The following MTA3 variants were observed in gnomAD, a reference collection of about 807,000 sequenced individuals.
MTA3 encodes the protein metastasis associated 1 family member 3.
In MTA3, 34 loss-of-function variants were observed where a neutral mutation model predicts 83.5. The observed-to-expected ratio is 0.41, with a 90% CI of 0.31 to 0.54. The LOEUF (loss-of-function observed/expected upper bound fraction) is 0.54, where lower values mean the gene tolerates loss of function less well. Among genes scored for constraint, MTA3 ranks in the 20% least tolerant of loss-of-function variants. The probability of loss-of-function intolerance (pLI) is 0.33; values close to 1 mark genes in which losing one functional copy is unlikely to be tolerated. For synonymous variants in MTA3, 303 were observed against 252.7 expected, an observed-to-expected ratio of 1.20 and a Z score of -1.89; for missense variants, 761 against 726.4, an observed-to-expected ratio of 1.05 and a Z score of -0.55.
chr2:42,505,391 C>G (rs563841723), intron 2 of MTA3, among the ~76,000 whole-genome samples: 8 of 151,034 alleles, frequency 5.3e-5, no homozygotes, highest in African/African-American at 1.7e-4. Context: ...GACTTCATCT[C>G]AAAAACAAAA....
chr2:42,567,476 C>T (rs551204152), upstream of MTA3, among the ~76,000 whole-genome samples: 116 of 152,210 alleles, frequency 7.6e-4, 2 homozygotes, highest in South Asian at 0.023. Flanking sequence ...AACCCAGAGT[C>T]GACAGCACAC....
intron 2 of MTA3, among the ~76,000 whole-genome samples, chr2:42,495,808 T>C (rs1259725597): frequency 6.6e-6 from 1 of 152,098 alleles, no homozygotes; most frequent in East Asian, 1.9e-4. Flanking sequence ...AAGGAGAAGG[T>C]CATTTCGCAA....
chr2:42,675,970 A>G (rs1691316126), intron 8 of MTA3, among the ~76,000 whole-genome samples: 1 of 152,220 alleles, frequency 6.6e-6, no homozygotes, highest in Admixed American at 6.5e-5. Flanking sequence ...TTTCAAAGGA[A>G]TTATTTCCTA....
At chr2:42,717,789 T>C (rs1380380366) in intron 14 of MTA3, among the ~76,000 whole-genome samples, 1 of 152,202 alleles carries the variant, frequency 6.6e-6, no homozygotes, top group Non-Finnish European at 1.5e-5. Flanking sequence ...TTTGCCAAGA[T>C]AGGTTAAGCC....
intron 14 of MTA3, among the ~76,000 whole-genome samples, 163 bp from the exon 15 acceptor site, chr2:42,718,825 A>G (rs1481076167): frequency 1.3e-5 from 2 of 152,218 alleles, no homozygotes; most frequent in East Asian, 1.9e-4. Flanking sequence ...GAAATTGGGA[A>G]CCAGAACTAG....
At chr2:42,512,136 CT>C (rs1204506266) in intron 2 of MTA3, among the ~76,000 whole-genome samples, 23 of 146,412 alleles carry the variant, frequency 1.6e-4, no homozygotes, top group Middle Eastern at 3.5e-3. Flanking sequence ...TTTCTTTTTC[CT>C]TTTTTTTTTG....
chr2:42,667,854 C>G (rs1295746707), intron 8 of MTA3, among the ~76,000 whole-genome samples: 1 of 152,134 alleles, frequency 6.6e-6, no homozygotes, highest in Non-Finnish European at 1.5e-5. Flanking sequence ...CATTATGTTA[C>G]TTTATCAGTG....
At chr2:42,652,512 A>G (rs190458524) in intron 6 of MTA3, among the ~76,000 whole-genome samples, 8 of 152,152 alleles carry the variant, frequency 5.3e-5, no homozygotes, top group African/African-American at 1.7e-4. Flanking sequence ...TCACTTCTTG[A>G]TTTTTATTTT....
intron 3 of MTA3, among the ~76,000 whole-genome samples, chr2:42,607,833 C>A (rs1056403640): frequency 6.6e-6 from 1 of 152,162 alleles, no homozygotes; most frequent in Non-Finnish European, 1.5e-5. Context: ...CGCCTGTAAT[C>A]CCAGCTACTC....
chr2:42,711,991 ATTAG>A (rs757693575), intron 14 of MTA3, among the ~76,000 whole-genome samples: 1 of 152,102 alleles, frequency 6.6e-6, no homozygotes, highest in Non-Finnish European at 1.5e-5. Context: ...AGAATAATTT[ATTAG>A]TTCTTCCCTG....
chr2:42,581,425 A>G (rs1453871829), intron 3 of MTA3, among the ~76,000 whole-genome samples: 1 of 139,670 alleles, frequency 7.2e-6, no homozygotes, highest in Non-Finnish European at 1.5e-5. Flanking sequence ...GCTGGAGTGC[A>G]GTGGCAGGAT....
intron 2 of MTA3, among the ~76,000 whole-genome samples, chr2:42,578,535 T>G (rs6544564): frequency 1 from 152,326 of 152,326 alleles, 76,163 homozygotes; most frequent in Non-Finnish European, 1. Flanking sequence ...ACTTCCTTGG[T>G]GTAGAGAATG....
intron 9 of MTA3, among the ~76,000 whole-genome samples, chr2:42,689,287 T>C (rs1416708102): frequency 6.6e-6 from 1 of 152,220 alleles, no homozygotes; most frequent in Non-Finnish European, 1.5e-5. Flanking sequence ...CTTTTTAAAT[T>C]GATAAACTAA....
chr2:42,696,947 A>G (rs1183569326), intron 10 of MTA3, among the ~76,000 whole-genome samples: 2 of 152,192 alleles, frequency 1.3e-5, no homozygotes, highest in Admixed American at 6.5e-5. Flanking sequence ...AAAGATGGAG[A>G]TGATGGTATC....
chr2:42,606,987 C>T (rs1050959387), intron 3 of MTA3, among the ~76,000 whole-genome samples: 3 of 148,964 alleles, frequency 2.0e-5, no homozygotes, highest in Non-Finnish European at 3.0e-5. Context: ...GAGAATCAGG[C>T]AGGGAGGTTG....
chr2:42,752,092 G>A (rs1669916397), intron 16 of MTA3: 4 of 437,476 alleles, frequency 9.1e-6, no homozygotes, highest in Non-Finnish European at 1.9e-5. Flanking sequence ...GTTAAATAAG[G>A]TAGTTACATA....
Position 42,697,886 on chromosome 2 carries a change from T to C in MTA3, c.1025+52T>C, listed in dbSNP as rs367581229. 7.9e-6 allele frequency: 10 copies of C among 1,268,588 alleles called. No individual in the cohort carries two copies. In the African/African-American group the frequency reaches 1.4e-4, roughly 18 times the overall value. The allele number at this position is 1,268,588 out of a possible 1,614,324, so 78.6% of individuals were successfully genotyped here. On this transcript the variant is annotated intron_variant, in intron 11 of 16. Coordinates refer to ENST00000405094, the MANE Select transcript of MTA3 (RefSeq NM_001330442.2). ...TTTGTTTTGGTCTTAATTTTATCAT[T>C]GCAGAATATGTCATTTTGTTCAGTT...
intron 12 of MTA3, among the ~76,000 whole-genome samples, chr2:42,705,008 G>C (rs1378720431): frequency 1.3e-5 from 2 of 152,212 alleles, no homozygotes; most frequent in Non-Finnish European, 2.9e-5. Flanking sequence ...GCCTGGGATG[G>C]GAGAGGGAAG....
At chr2:42,526,393 G>T (rs1225152367) in intron 2 of MTA3, among the ~76,000 whole-genome samples, 1 of 152,060 alleles carries the variant, frequency 6.6e-6, no homozygotes, top group African/African-American at 2.4e-5. Context: ...AAGATTCCTG[G>T]CTCTCCCTGT....
Sources: gnomAD v4.1 joint callset for allele counts (sites outside exome capture counted in the v4.1 genomes callset) on GRCh38, gnomAD v4.1.1 for gene constraint, MANE v1.5 for transcripts, NCBI Gene and HGNC (gene_info 2026-07-23, HGNC 2026-07-21) for gene names.